Variants in EVC2 observed in about 807,000 individuals in gnomAD.
The protein encoded by EVC2 is EvC ciliary complex subunit 2.
Under a neutral mutation model 149.3 loss-of-function variants are expected in EVC2, and 148 were observed. The ratio of observed to expected loss-of-function variants is 0.99; its 90% confidence interval spans 0.87 to 1.14. EVC2 has a LOEUF of 1.14. Ranked by LOEUF, EVC2 falls within the 50% of genes most tolerant of loss-of-function variation. The pLI is 0.00. For synonymous variants in EVC2, 776 were observed against 649.9 expected, an observed-to-expected ratio of 1.19 and a Z score of -2.95; for missense variants, 1,854 against 1,627.3, an observed-to-expected ratio of 1.14 and a Z score of -2.40.
chr4:5,608,511 A>G (rs1012432531), intron 16 of EVC2, among the ~76,000 whole-genome samples: 14 of 152,110 alleles, frequency 9.2e-5, no homozygotes, highest in African/African-American at 3.1e-4. Flanking sequence ...GATGTTTCTG[A>G]AAGAGATTAG....
chr4:5,631,673 A>C (rs940375246), intron 11 of EVC2, 120 bp downstream of exon 11: 1 of 1,365,720 alleles, frequency 7.3e-7, no homozygotes, highest in Non-Finnish European at 1.0e-6. Context: ...AAGAGATAGA[A>C]GAGAAAGCTC....
At chr4:5,573,764 C>T (rs1044833218) in intron 19 of EVC2, among the ~76,000 whole-genome samples, 5 of 152,276 alleles carry the variant, frequency 3.3e-5, no homozygotes, top group East Asian at 3.9e-4. Context: ...GCCAGCTGGA[C>T]GCCTAAAAGC....
chr4:5,691,371 T>A (rs768782112), intron 3 of EVC2, 38 bp from the exon 4 acceptor site: 1 of 1,510,218 alleles, frequency 6.6e-7, no homozygotes. Flanking sequence ...AAATGAGAAA[T>A]ATTTCATGCT....
chr4:5,560,863 CCA>C (rs1721930177), downstream of EVC2, among the ~76,000 whole-genome samples: 1 of 152,070 alleles, frequency 6.6e-6, no homozygotes, highest in Non-Finnish European at 1.5e-5. The surrounding 1 kb of genome is among the most constrained non-coding windows in gnomAD (Gnocchi z 4.1). Flanking sequence ...AGTTGTAGAG[CCA>C]CAGTTTAAAC....
At chr4:5,616,496 C>T (rs1238189485) in intron 15 of EVC2, among the ~76,000 whole-genome samples, 1 of 152,206 alleles carries the variant, frequency 6.6e-6, no homozygotes, top group African/African-American at 2.4e-5. Context: ...CAGGGGTTCC[C>T]TGGTGGTGAC....
chr4:5,578,983 A>G (rs906113360), intron 17 of EVC2, among the ~76,000 whole-genome samples: 28 of 152,188 alleles, frequency 1.8e-4, no homozygotes, highest in African/African-American at 5.8e-4. Context: ...GATCCTTCAA[A>G]GGGACCCATG....
chr4:5,568,347 T>C (rs1477184267), intron 20 of EVC2, 97 bp downstream of exon 20: 1 of 1,237,376 alleles, frequency 8.1e-7, no homozygotes, highest in African/African-American at 1.5e-5. Flanking sequence ...TTAAAAAGTA[T>C]GGACAAAATA....
At chr4:5,707,209 A>G (rs1722261914) in intron 1 of EVC2, among the ~76,000 whole-genome samples, 1 of 152,198 alleles carries the variant, frequency 6.6e-6, no homozygotes, top group South Asian at 2.1e-4. Context: ...GAAAGGACCC[A>G]GGGAACATGT....
chr4:5,601,249 G>A, intron 16 of EVC2, among the ~76,000 whole-genome samples: 1 of 152,034 alleles, frequency 6.6e-6, no homozygotes, highest in Admixed American at 6.6e-5. Flanking sequence ...GGGAAAGCCT[G>A]TAATGAACAT....
At position 5,708,521 on chromosome 4, in the gene EVC2, C is replaced by G. The variant is rs1402617475; in HGVS notation, c.-8G>C. On this transcript the variant is annotated 5_prime_UTR_variant, in exon 1 of 22. Transcript: ENST00000344408. ...GGAGCCCGAGGGGTCCATCGCCTGT[C>G]GGGACCCGCTACCTCAAAGCGGCGG... is the stretch of plus-strand genomic sequence containing the variant. 6.9e-6 allele frequency: 10 copies of G among 1,450,756 alleles called. No homozygotes were observed. The highest frequency in any genetic ancestry group is 2.6e-5 in the Admixed American group (1 of 37,922). The allele number at this position is 1,450,756 out of a possible 1,614,324, so 89.9% of individuals were successfully genotyped here.
At chr4:5,599,688 T>A (rs1713808413) in intron 16 of EVC2, among the ~76,000 whole-genome samples, 1 of 152,112 alleles carries the variant, frequency 6.6e-6, no homozygotes, top group South Asian at 2.1e-4. Context: ...AACCTGCACA[T>A]TGTGCACATG....
At chr4:5,597,724 T>C (rs1194508487) in intron 16 of EVC2, among the ~76,000 whole-genome samples, 2 of 141,184 alleles carry the variant, frequency 1.4e-5, no homozygotes, top group Admixed American at 7.3e-5. Flanking sequence ...CCAGGGCAAT[T>C]AGGCAGGAGA....
chr4:5,566,993 G>A (rs1722328230), intron 20 of EVC2, among the ~76,000 whole-genome samples: 1 of 152,048 alleles, frequency 6.6e-6, no homozygotes, highest in Non-Finnish European at 1.5e-5. Context: ...AATATGATTG[G>A]CTCCTAATAT....
intron 7 of EVC2, among the ~76,000 whole-genome samples, chr4:5,669,101 G>A (rs1020216307): frequency 6.6e-6 from 1 of 152,206 alleles, no homozygotes; most frequent in Non-Finnish European, 1.5e-5. Flanking sequence ...TGAGCCACCA[G>A]AAGCTAAGAA....
In EVC2 at chr4:5,679,242, T is replaced by C. The variant is rs1720186670; in HGVS notation, c.870+2018A>G. 6.6e-6 allele frequency among the ~76,000 whole-genome samples: 1 copy of C among 152,022 alleles called. No individual in the cohort carries two copies. Among genetic ancestry groups the C allele is most frequent in the Non-Finnish European group, 1.5e-5 (1 of 68,008 alleles). ...GTACCCTTAGGCTACACTACATTTA[T>C]TTATTTATGTTGAGACAGAGTCTCA... On this transcript the variant is annotated intron_variant, in intron 7 of 21. Coordinates refer to ENST00000344408, the MANE Select transcript of EVC2 (RefSeq NM_147127.5). The surrounding 1 kb of genome is among the most constrained non-coding windows in gnomAD (Gnocchi z 5.1).
rs771979592 is a variant in EVC2, at chr4:5,615,442, A to G, written c.2809T>C (p.Ser937Pro). ...CTGACCTTTTCCACCAGGTCTTCAG[A>G]GGCCTGTTCCTCACAGAGGTGAATT... ...DKIHLCEEQASEDLVEKVRGE... is the reference protein window; with the variant it reads ...DKIHLCEEQAPEDLVEKVRGE... Residue 937 changes from serine to proline, a missense_variant, in exon 16 of 22, where the codon TCT becomes CCT. Physicochemically the swap from Ser to Pro is moderately conservative, Grantham distance 74. Coordinates refer to ENST00000344408, the MANE Select transcript of EVC2 (RefSeq NM_147127.5). 3.7e-6 allele frequency: 6 copies of G among 1,614,200 alleles called. No individual in the cohort carries two copies. Among genetic ancestry groups the G allele is most frequent in the Non-Finnish European group, 5.1e-6 (6 of 1,180,032 alleles).
At chr4:5,561,493 G>A (rs1721957506), downstream of EVC2, among the ~76,000 whole-genome samples, 1 of 152,180 alleles carries the variant, frequency 6.6e-6, no homozygotes, top group African/African-American at 2.4e-5. Context: ...GCAGTCAAGT[G>A]GCAGCTGAAA....
downstream of EVC2, among the ~76,000 whole-genome samples, chr4:5,540,853 A>G (rs1721498902): frequency 6.6e-6 from 1 of 152,182 alleles, no homozygotes; most frequent in African/African-American, 2.4e-5. Context: ...TAACTGCCTT[A>G]AAATACAATG....
chr4:5,643,542 T>C (rs1490543761), intron 9 of EVC2, among the ~76,000 whole-genome samples: 1 of 152,220 alleles, frequency 6.6e-6, no homozygotes, highest in East Asian at 1.9e-4. Context: ...CTATCTCATG[T>C]CAATTTAATT....
Sources: gnomAD v4.1 joint callset for allele counts (sites outside exome capture counted in the v4.1 genomes callset) on GRCh38, gnomAD v4.1.1 for gene constraint, Gnocchi (gnomAD v3.1) non-coding constraint, MANE v1.5 for transcripts, NCBI Gene and HGNC (gene_info 2026-07-23, HGNC 2026-07-21) for gene names.